Variants in SHCBP1 observed in about 807,000 individuals in gnomAD.
SHCBP1 encodes the protein SHC SH2 domain-binding protein 1.
A neutral mutation model predicts 75.1 loss-of-function variants in SHCBP1; 60 were observed. That is an observed-to-expected ratio of 0.80 (90% CI 0.65 to 0.99). The LOEUF (loss-of-function observed/expected upper bound fraction) is 0.99. Among genes scored for constraint, SHCBP1 ranks in the 50% least tolerant of loss-of-function variants. The pLI, the probability that SHCBP1 is intolerant of heterozygous loss-of-function variation, is 0.00. For synonymous variants in SHCBP1, 290 were observed against 293.2 expected (o/e 0.99, Z 0.11); for missense variants, 709 against 809.4 (o/e 0.88, Z 1.50).
chr16:46,603,026 G>A (rs1267239254), intron 8 of SHCBP1, among the ~76,000 whole-genome samples: 1 of 152,190 alleles, frequency 6.6e-6, no homozygotes, highest in Non-Finnish European at 1.5e-5. Context: ...CATTCGGCAA[G>A]CATTTAGAGA....
intron 10 of SHCBP1, among the ~76,000 whole-genome samples, chr16:46,590,760 A>G (rs144327609): frequency 0.015 from 2,270 of 152,262 alleles, 28 homozygotes; most frequent in South Asian, 0.048. Context: ...ACAGTGTGGC[A>G]ATTCCTCAAG....
intron 1 of SHCBP1, among the ~76,000 whole-genome samples, chr16:46,620,036 C>CA (rs905751678): frequency 1.8e-4 from 27 of 150,392 alleles, no homozygotes; most frequent in Non-Finnish European, 2.1e-4. Context: ...GACTCTGCCT[C>CA]AAAAAAAATA....
At chr16:46,593,467 A>C (rs916486449) in intron 10 of SHCBP1, among the ~76,000 whole-genome samples, 4 of 152,188 alleles carry the variant, frequency 2.6e-5, no homozygotes, top group Non-Finnish European at 5.9e-5. Context: ...GTGGGGGCTC[A>C]TGTTTATAAT....
intron 10 of SHCBP1, among the ~76,000 whole-genome samples, chr16:46,585,141 A>G (rs1964937142): frequency 6.6e-6 from 1 of 152,206 alleles, no homozygotes; most frequent in African/African-American, 2.4e-5. Context: ...ATTAAATATC[A>G]AACTGTCAGG....
rs891557764 is a variant in SHCBP1 at position 46,579,482 on chromosome 16, T to C, written c.*2247A>G. On this transcript the variant is annotated 3_prime_UTR_variant, in exon 13 of 13. Coordinates refer to ENST00000303383, the MANE Select transcript of SHCBP1 (RefSeq NM_024745.5). ...ATGTTATAAAAAGAAACAAGGAAGG[T>C]ATAAATGTTACTAACTTATCTACAA... is the stretch of plus-strand genomic sequence containing the variant. Among the ~76,000 whole-genome samples the C allele has an allele frequency of 1.7e-4, 26 of 152,176 alleles. No individual in the cohort carries two copies. The highest frequency in any genetic ancestry group is 5.6e-4 in the African/African-American group (23 of 41,434).
intron 10 of SHCBP1, among the ~76,000 whole-genome samples, chr16:46,585,809 C>T (rs1013777201): frequency 6.6e-6 from 1 of 152,170 alleles, no homozygotes; most frequent in African/African-American, 2.4e-5. Context: ...GGTAACAAGA[C>T]CACTCCCATA....
intron 4 of SHCBP1, among the ~76,000 whole-genome samples, chr16:46,613,237 G>T (rs1172328295): frequency 6.6e-6 from 1 of 152,124 alleles, no homozygotes; most frequent in Non-Finnish European, 1.5e-5. Context: ...GAGGCAAGAG[G>T]ATGCCTTGAG....
At position 46,618,247 on chromosome 16, in the gene SHCBP1, A is replaced by G. The variant is rs776479130; in HGVS notation, c.229T>C (p.Leu77=). ...TAGGCTCTGAATCGCTCATAGAACA[A>G]AAGTTGATTTGTTTGGAAAATTTCT... ...FPEIFQTNQL[L]FYERFRAYQD... Residue 77 remains leucine (L), a synonymous_variant, in exon 2 of 13, where the codon TTG becomes CTG. Transcript: ENST00000303383. The G allele has an allele frequency of 4.4e-5, 71 of 1,612,688 alleles. No homozygotes were observed. Among genetic ancestry groups the G allele is most frequent in the Non-Finnish European group, 5.7e-5 (67 of 1,179,688 alleles).
intron 1 of SHCBP1, among the ~76,000 whole-genome samples, chr16:46,619,945 G>C (rs1458074647): frequency 1.3e-5 from 2 of 152,124 alleles, no homozygotes; most frequent in Non-Finnish European, 2.9e-5. Flanking sequence ...TGAGGCAGGA[G>C]AATCATTTGA....
intron 4 of SHCBP1, among the ~76,000 whole-genome samples, chr16:46,611,055 C>T (rs1596687360): frequency 6.6e-6 from 1 of 152,134 alleles, no homozygotes; most frequent in Admixed American, 6.5e-5. Context: ...CCCATGTCCG[C>T]ATGGGTTTTC....
In SHCBP1 at chr16:46,604,410, G is replaced by A. The variant is rs762381419; in HGVS notation, c.741C>T (p.Tyr247=). The change falls in exon 6 of 13, where the codon TAC becomes TAT. Residue 247 remains tyrosine (Y), a synonymous_variant. Transcript: ENST00000303383. ...DRVPSGLIVD[Y]HNLLSQCEES... Reference sequence around the variant, plus strand: ...CCTCACATTGAGACAACAGATTGTGGTAGTCAACAATAAGTCCTGATGGAA... The same window carrying A: ...CCTCACATTGAGACAACAGATTGTGATAGTCAACAATAAGTCCTGATGGAA... 2.5e-6 allele frequency: 4 copies of A among 1,614,128 alleles called. No homozygotes were observed. The highest frequency in any genetic ancestry group is 4.5e-5 in the East Asian group (2 of 44,876).
In SHCBP1 at chr16:46,581,870, G is replaced by C; in HGVS notation, c.1878C>G (p.Gly626=). ...CACTCAACCTTTTCTTCTTTATCTG[G>C]CCTTTCTGTGTGGAGGCAGCAATTA... ...NELIAASTQK[G]QIKKKRLSEL... is the part of the protein sequence containing the mutation. The change falls in exon 13 of 13, where the codon GGC becomes GGG. Residue 626 remains glycine (G), a synonymous_variant. Coordinates refer to ENST00000303383, the MANE Select transcript of SHCBP1 (RefSeq NM_024745.5). The C allele has an allele frequency of 6.2e-7, 1 of 1,613,962 alleles. No individual in the cohort carries two copies. Among genetic ancestry groups the C allele is most frequent in the Non-Finnish European group, 8.5e-7 (1 of 1,179,994 alleles).
chr16:46,614,305 T>C (rs1965462575), intron 4 of SHCBP1, among the ~76,000 whole-genome samples: 1 of 152,206 alleles, frequency 6.6e-6, no homozygotes, highest in Non-Finnish European at 1.5e-5. Flanking sequence ...ACTAATGGTA[T>C]AGAAAATAGA....
intron 10 of SHCBP1, among the ~76,000 whole-genome samples, chr16:46,584,956 A>T (rs1234814074): frequency 6.6e-6 from 1 of 152,188 alleles, no homozygotes; most frequent in Non-Finnish European, 1.5e-5. Context: ...ATTTATTATT[A>T]CTTAACCCTG....
chr16:46,618,183 A>G (rs1265492047), intron 2 of SHCBP1, 22 bp downstream of exon 2: 5 of 1,574,096 alleles, frequency 3.2e-6, no homozygotes. Flanking sequence ...TCTCAAAAAA[A>G]AAAAGCAAAA....
chr16:46,614,516 A>T (rs533975715), intron 4 of SHCBP1, among the ~76,000 whole-genome samples: 1 of 152,210 alleles, frequency 6.6e-6, no homozygotes. Context: ...TGTTGAAATC[A>T]TACCCACTGA....
intron 1 of SHCBP1, 137 bp from the exon 2 acceptor site, chr16:46,618,509 TGAG>T (rs1965538247): frequency 1.1e-6 from 1 of 889,888 alleles, no homozygotes. Flanking sequence ...TCTACCATTG[TGAG>T]AAGAAACTAG....
At chr16:46,598,939 C>T (rs1359752530) in intron 9 of SHCBP1, among the ~76,000 whole-genome samples, 2 of 152,228 alleles carry the variant, frequency 1.3e-5, no homozygotes, top group Admixed American at 1.3e-4. Flanking sequence ...CATGAACCAA[C>T]AGCTGCTAGT....
At chr16:46,590,120 T>C (rs1417368660) in intron 10 of SHCBP1, among the ~76,000 whole-genome samples, 4 of 152,214 alleles carry the variant, frequency 2.6e-5, no homozygotes, top group Admixed American at 1.3e-4. Flanking sequence ...TAGTCATATG[T>C]AGAAAGCTGA....
Sources: gnomAD v4.1 joint callset for allele counts (sites outside exome capture counted in the v4.1 genomes callset) on GRCh38, gnomAD v4.1.1 for gene constraint, MANE v1.5 for transcripts, NCBI Gene and HGNC (gene_info 2026-07-23, HGNC 2026-07-21) for gene names.